KIAA1217: variants seen among roughly 807,000 people sequenced by gnomAD.
The protein encoded by KIAA1217 is sickle tail protein homolog.
KIAA1217 carries 88 observed loss-of-function variants against 163.9 expected under a neutral mutation model. That is an observed-to-expected ratio of 0.54 (90% CI 0.45 to 0.64). The LOEUF is 0.64. Ranked by LOEUF, KIAA1217 falls within the 30% of genes least tolerant of loss-of-function variation. KIAA1217 has a pLI of 0.00. For synonymous variants in KIAA1217, 903 were observed against 923.1 expected (o/e 0.98, Z 0.39); for missense variants, 2,372 against 2,475.0 (o/e 0.96, Z 0.88).
chr10:24,546,095 C>T lies in KIAA1217; in HGVS notation c.5603C>T (p.Thr1868Ile). 6 of 1,614,196 alleles carry T rather than the reference C, an allele frequency of 3.7e-6. No individual in the cohort carries two copies. The highest frequency in any genetic ancestry group is 5.1e-6 in the Non-Finnish European group (6 of 1,180,042). ...SNGSLKFQSL[T>I]HTGKGHHLSF... Reference sequence around the variant, plus strand: ...GGCTCTTTGAAGTTTCAGAGCCTCACTCATACAGGTAAAGGTCACCATCTT... The same window carrying T: ...GGCTCTTTGAAGTTTCAGAGCCTCATTCATACAGGTAAAGGTCACCATCTT... The change falls in exon 21 of 21, where the codon ACT (threonine) becomes ATT (isoleucine). Residue 1868 changes from threonine to isoleucine, a missense_variant. Thr to Ile is a moderately conservative substitution (Grantham distance 89, BLOSUM62 -1). Around this residue, in one of 3 missense-constraint regions of KIAA1217, gnomAD observed 690 missense variants for 677.5 expected, o/e 1.02. Transcript: ENST00000376454.
intron 10 of KIAA1217, among the ~76,000 whole-genome samples, chr10:24,516,690 G>T (rs576090069): frequency 4.9e-4 from 75 of 152,298 alleles, no homozygotes; most frequent in African/African-American, 1.8e-3. Flanking sequence ...TGATTAAGAG[G>T]AAAATAGATC....
chr10:24,420,887 C>T (rs184296336), intron 3 of KIAA1217, among the ~76,000 whole-genome samples: 40 of 152,282 alleles, frequency 2.6e-4, no homozygotes, highest in Non-Finnish European at 4.9e-4. Context: ...TTGTCCTATC[C>T]GTGTGCCAAG....
intron 2 of KIAA1217, among the ~76,000 whole-genome samples, chr10:24,062,801 T>G (rs972738346): frequency 2.0e-5 from 3 of 152,148 alleles, no homozygotes; most frequent in Non-Finnish European, 4.4e-5. Context: ...CCAGCACCTG[T>G]TGTTTCCTGA....
intron 1 of KIAA1217, among the ~76,000 whole-genome samples, chr10:23,845,037 T>G (rs890332928): frequency 4.6e-5 from 7 of 152,194 alleles, no homozygotes; most frequent in African/African-American, 1.7e-4. Context: ...AGTTTCCAGC[T>G]TCATCCATGT....
At chr10:24,537,577 C>CA (rs72185665) in intron 17 of KIAA1217, among the ~76,000 whole-genome samples, 1,918 of 119,058 alleles carry the variant, frequency 0.016, 20 homozygotes, top group East Asian at 0.027. Flanking sequence ...AACTCTGTCT[C>CA]AAAAAAAAAA....
chr10:24,386,567 A>T (rs200960972), intron 3 of KIAA1217, among the ~76,000 whole-genome samples: 1 of 40,898 alleles, frequency 2.4e-5, no homozygotes, highest in Admixed American at 2.0e-4. Context: ...AATCTATTTT[A>T]TTTATTTATT....
intron 1 of KIAA1217, among the ~76,000 whole-genome samples, chr10:23,899,042 T>G (rs1841841031): frequency 6.6e-6 from 1 of 152,108 alleles, no homozygotes; most frequent in Non-Finnish European, 1.5e-5. Flanking sequence ...TTTCATAACT[T>G]ATTTATCCAT....
chr10:24,518,326 G>A (rs2070519501), intron 10 of KIAA1217, among the ~76,000 whole-genome samples: 1 of 109,440 alleles, frequency 9.1e-6, no homozygotes, highest in Non-Finnish European at 2.0e-5. Context: ...ATCTAAAGTA[G>A]GTATCATAAA....
At chr10:24,369,217 G>T (rs1591374386) in intron 2 of KIAA1217, among the ~76,000 whole-genome samples, 1 of 150,388 alleles carries the variant, frequency 6.6e-6, no homozygotes, top group Non-Finnish European at 1.5e-5. Flanking sequence ...GTGTGTGTGT[G>T]TTTTCATTTG....
At chr10:23,843,623 T>C (rs971063892) in intron 1 of KIAA1217, among the ~76,000 whole-genome samples, 3 of 152,152 alleles carry the variant, frequency 2.0e-5, no homozygotes, top group Non-Finnish European at 4.4e-5. Context: ...CTAATTTCAG[T>C]TGGGTTTGGC....
chr10:23,696,359 A>T (rs1330243963), intron 1 of KIAA1217, among the ~76,000 whole-genome samples: 3 of 152,246 alleles, frequency 2.0e-5, no homozygotes, highest in African/African-American at 7.2e-5. Flanking sequence ...AAAGTGGCTA[A>T]GGCATCTTCT....
Position 23,774,202 on chromosome 10 carries a change from G to T in KIAA1217, c.-321+78968G>T, listed in dbSNP as rs148719696. ...GTATTTAAAAAAGGAAATGAACAAA[G>T]TAGACAATAAAGATGTGTCTCACTT... is the stretch of plus-strand genomic sequence containing the variant. On this transcript the variant is annotated intron_variant, in intron 1 of 18. Transcript: ENST00000376462. Among the ~76,000 whole-genome samples the T allele has an allele frequency of 3.6e-4, 55 of 152,308 alleles. No individual in the cohort carries two copies. In the East Asian group the frequency reaches 6.8e-3, roughly 19 times the overall value.
intron 2 of KIAA1217, among the ~76,000 whole-genome samples, chr10:24,139,838 T>C (rs1351791823): frequency 6.6e-6 from 1 of 152,212 alleles, no homozygotes; most frequent in Non-Finnish European, 1.5e-5. Context: ...ACTATGTTTT[T>C]TCCTATACTA....
At chr10:24,301,305 CA>C (rs796818719) in intron 2 of KIAA1217, among the ~76,000 whole-genome samples, 10 of 151,890 alleles carry the variant, frequency 6.6e-5, no homozygotes, top group African/African-American at 2.4e-4. Flanking sequence ...TTAAAAACAC[CA>C]AAAAAGCCCT....
chr10:24,066,451 A>T (rs2060949646), intron 2 of KIAA1217, among the ~76,000 whole-genome samples: 1 of 152,166 alleles, frequency 6.6e-6, no homozygotes, highest in South Asian at 2.1e-4. Flanking sequence ...TCTTTTCTTT[A>T]ATAATGTTGA....
At chr10:24,212,668 C>T (rs534389100) in intron 1 of KIAA1217, among the ~76,000 whole-genome samples, 79 of 152,256 alleles carry the variant, frequency 5.2e-4, no homozygotes, top group Non-Finnish European at 8.1e-4. Flanking sequence ...GCACGAGTGC[C>T]GCAAGGGAGA....
intron 1 of KIAA1217, among the ~76,000 whole-genome samples, chr10:23,935,432 C>T (rs907603028): frequency 2.0e-5 from 3 of 152,190 alleles, no homozygotes; most frequent in East Asian, 3.8e-4. Flanking sequence ...TTTGTCTGTA[C>T]TCACTCGACA....
At chr10:23,960,264 G>A (rs1393188180) in intron 1 of KIAA1217, among the ~76,000 whole-genome samples, 1 of 151,616 alleles carries the variant, frequency 6.6e-6, no homozygotes, top group African/African-American at 2.4e-5. Flanking sequence ...AGGCAAGTCA[G>A]AAACACCTTC....
At chr10:24,113,484 T>C (rs1464570884) in intron 2 of KIAA1217, among the ~76,000 whole-genome samples, 1 of 152,150 alleles carries the variant, frequency 6.6e-6, no homozygotes, top group Admixed American at 6.5e-5. Flanking sequence ...TGCAAGAGTG[T>C]CTTTAATTAG....
Sources: gnomAD v4.1 joint callset for allele counts (sites outside exome capture counted in the v4.1 genomes callset) on GRCh38, gnomAD v4.1.1 for gene constraint, gnomAD v4.1.1 regional missense constraint, MANE v1.5 for transcripts, NCBI Gene and HGNC (gene_info 2026-07-23, HGNC 2026-07-21) for gene names.